CCDC77: variants seen among roughly 807,000 people sequenced by gnomAD.
The protein encoded by CCDC77 is coiled-coil domain-containing protein 77.
In CCDC77, 56 loss-of-function variants were observed where a neutral mutation model predicts 66.8. That is an observed-to-expected ratio of 0.84 (90% CI 0.68 to 1.05). The LOEUF (loss-of-function observed/expected upper bound fraction) is 1.05. CCDC77 is among the 50% of genes least tolerant of loss of function. The probability of loss-of-function intolerance (pLI) is 0.00; values close to 1 mark genes in which losing one functional copy is unlikely to be tolerated. For missense variants in CCDC77, 570 were observed against 576.8 expected (o/e 0.99, Z 0.12); for synonymous variants, 196 against 195.2 (o/e 1.00, Z -0.03).
At chr12:424,190 C>G (rs1345650222) in intron 5 of CCDC77, among the ~76,000 whole-genome samples, 1 of 152,124 alleles carries the variant, frequency 6.6e-6, no homozygotes, top group African/African-American at 2.4e-5. Context: ...AGGCTGGTCT[C>G]AAACTCCTGA....
At chr12:399,134 C>T (rs1285458775), upstream of CCDC77, among the ~76,000 whole-genome samples, 1 of 151,998 alleles carries the variant, frequency 6.6e-6, no homozygotes, top group Non-Finnish European at 1.5e-5. Flanking sequence ...CCAGATCCAC[C>T]AGAGAAATCA....
chr12:414,608 T>A (rs1945185419), intron 4 of CCDC77, among the ~76,000 whole-genome samples: 1 of 152,172 alleles, frequency 6.6e-6, no homozygotes, highest in African/African-American at 2.4e-5. Context: ...GAGGCTCCTT[T>A]CTCTACCCTC....
At chr12:435,517 A>G (rs562109113) in intron 9 of CCDC77, among the ~76,000 whole-genome samples, 2 of 152,340 alleles carry the variant, frequency 1.3e-5, no homozygotes, top group Admixed American at 6.5e-5. Flanking sequence ...GCTCTCTGAT[A>G]TAGGCAGTTC....
intron 12 of CCDC77, 25 bp downstream of exon 12, chr12:441,021 C>T (rs74412713): frequency 2.2e-5 from 35 of 1,604,572 alleles, no homozygotes; most frequent in Admixed American, 1.7e-4. Context: ...TGAATTGCCA[C>T]GAGGGAGAGA....
intron 2 of CCDC77, 67 bp from the exon 3 acceptor site, chr12:409,301 C>A: frequency 9.0e-7 from 1 of 1,104,994 alleles, no homozygotes; most frequent in Non-Finnish European, 1.4e-6. Flanking sequence ...GGGAACCAGT[C>A]TAATCCTGTA....
rs142904840 is a variant in CCDC77 at position 438,091 on chromosome 12, G to A, written c.822-244G>A. ...CTTCTAATCATATAATCTGAAGTTC[G>A]CACTCAGGAAAGTACCTGTAAAGAC... On this transcript the variant is annotated intron_variant, in intron 9 of 12. Coordinates refer to ENST00000239830, the MANE Select transcript of CCDC77 (RefSeq NM_032358.4). Among the ~76,000 whole-genome samples the A allele has an allele frequency of 3.2e-3, 483 of 152,104 alleles. 4 individuals are homozygous for A. The highest frequency in any genetic ancestry group is 6.6e-4 in the Non-Finnish European group (45 of 68,018).
intron 2 of CCDC77, among the ~76,000 whole-genome samples, chr12:406,374 G>A (rs952332190): frequency 1.3e-4 from 20 of 152,332 alleles, no homozygotes; most frequent in Admixed American, 4.6e-4. Context: ...AAAGAGAACT[G>A]TAGGTACGGG....
intron 5 of CCDC77, among the ~76,000 whole-genome samples, chr12:427,849 A>C (rs917456845): frequency 3.3e-5 from 5 of 152,170 alleles, no homozygotes; most frequent in Non-Finnish European, 5.9e-5. Context: ...TCTGGGAAAC[A>C]GACTGTACAG....
intron 4 of CCDC77, among the ~76,000 whole-genome samples, chr12:412,897 C>T (rs555447524): frequency 4.6e-5 from 7 of 152,184 alleles, no homozygotes; most frequent in Admixed American, 3.9e-4. Context: ...TTACTCCATC[C>T]GTATCTATCT....
chr12:414,130 C>T (rs1463163261), intron 4 of CCDC77, among the ~76,000 whole-genome samples: 1 of 149,116 alleles, frequency 6.7e-6, no homozygotes, highest in African/African-American at 2.5e-5. Flanking sequence ...CTCACCCTGT[C>T]TGCCAGGCTG....
At chr12:389,679 T>C (rs1944717633) in intron 1 of CCDC77, among the ~76,000 whole-genome samples, 2 of 143,498 alleles carry the variant, frequency 1.4e-5, no homozygotes, top group Non-Finnish European at 3.1e-5. Flanking sequence ...AGGGTCCCTT[T>C]CCCTTTTGTG....
chr12:433,061 T>C (rs1268278617), intron 8 of CCDC77, 113 bp from the exon 9 acceptor site: 1 of 1,078,372 alleles, frequency 9.3e-7, no homozygotes, highest in African/African-American at 1.6e-5. Flanking sequence ...AGGATTGAGA[T>C]GTTTTTGTTT....
intron 4 of CCDC77, among the ~76,000 whole-genome samples, chr12:416,342 GGGGTGTGTGTGT>G (rs1403814684): frequency 2.9e-5 from 1 of 34,646 alleles, no homozygotes; most frequent in African/African-American, 1.4e-4. Flanking sequence ...TGGGTGTGTG[GGGGTGTGTGTGT>G]GTGTGTGTGT....
intron 6 of CCDC77, among the ~76,000 whole-genome samples, chr12:429,371 AT>A (rs1161201803): frequency 6.6e-6 from 1 of 150,614 alleles, no homozygotes; most frequent in African/African-American, 2.4e-5. Context: ...TACTATTTCT[AT>A]TTTTTCACTT....
upstream of CCDC77, among the ~76,000 whole-genome samples, chr12:396,731 G>A (rs963981588): frequency 5.9e-5 from 9 of 152,196 alleles, no homozygotes; most frequent in Non-Finnish European, 1.0e-4. Context: ...AAAAGGAAGA[G>A]TGTGAACTGA....
At chr12:418,260 C>T (rs1349718586) in intron 4 of CCDC77, among the ~76,000 whole-genome samples, 1 of 152,214 alleles carries the variant, frequency 6.6e-6, no homozygotes, top group East Asian at 1.9e-4. Context: ...TTGCAGTGAG[C>T]TGAGATCGTG....
chr12:435,390 T>A (rs1945732747), intron 9 of CCDC77, among the ~76,000 whole-genome samples: 1 of 152,232 alleles, frequency 6.6e-6, no homozygotes, highest in Non-Finnish European at 1.5e-5. Context: ...TGGTATCACA[T>A]GTATTCCGTT....
intron 8 of CCDC77, among the ~76,000 whole-genome samples, chr12:432,256 G>C (rs1945666192): frequency 1.3e-5 from 2 of 152,142 alleles, no homozygotes; most frequent in Non-Finnish European, 2.9e-5. Flanking sequence ...AGATTGCAGA[G>C]GGAAGCTTGT....
chr12:430,811 G>C, intron 7 of CCDC77, 75 bp downstream of exon 7: 1 of 1,186,748 alleles, frequency 8.4e-7, no homozygotes, highest in Non-Finnish European at 1.3e-6. Flanking sequence ...GGGCGCGGTG[G>C]CTCACGCCTG....
Sources: gnomAD v4.1 joint callset for allele counts (sites outside exome capture counted in the v4.1 genomes callset) on GRCh38, gnomAD v4.1.1 for gene constraint, MANE v1.5 for transcripts, NCBI Gene and HGNC (gene_info 2026-07-23, HGNC 2026-07-21) for gene names.